HK2: variants seen among roughly 807,000 people sequenced by gnomAD.
HK2 encodes hexokinase 2.
A neutral mutation model predicts 92.9 loss-of-function variants in HK2; 42 were observed. The ratio of observed to expected loss-of-function variants is 0.45; its 90% CI spans 0.35 to 0.58. The LOEUF is 0.58. Ranked by LOEUF, HK2 falls within the 20% of genes least tolerant of loss-of-function variation. HK2 has a pLI of 0.00. For missense variants in HK2, 978 were observed against 1,245.1 expected, an observed-to-expected ratio of 0.79 and a Z score of 3.23; for synonymous variants, 422 against 468.0, an observed-to-expected ratio of 0.90 and a Z score of 1.27.
chr2:74,870,001 C>CTTTTTT (rs66946936), intron 3 of HK2, among the ~76,000 whole-genome samples: 5 of 121,518 alleles, frequency 4.1e-5, no homozygotes, highest in Admixed American at 1.6e-4. Flanking sequence ...CTTTTCTTTT[C>CTTTTTT]TTTTTTTTTT....
chr2:74,854,507 A>T (rs773297096), intron 2 of HK2, 52 bp downstream of exon 2: 64 of 1,606,160 alleles, frequency 4.0e-5, no homozygotes, highest in Non-Finnish European at 6.0e-6. Context: ...GGGGTGATTT[A>T]GTTGGCTTTG....
intron 2 of HK2, among the ~76,000 whole-genome samples, chr2:74,859,382 A>G (rs1453155805): frequency 2.0e-5 from 3 of 152,210 alleles, no homozygotes; most frequent in South Asian, 2.1e-4. Flanking sequence ...TAAGAGTATT[A>G]TCTGATAAAA....
At chr2:74,837,778 C>G (rs971295897) in intron 1 of HK2, among the ~76,000 whole-genome samples, 1 of 150,424 alleles carries the variant, frequency 6.6e-6, no homozygotes, top group Non-Finnish European at 1.5e-5. Flanking sequence ...CAGGTTCAAG[C>G]GATTCTCCTG....
chr2:74,873,041 G>A (rs1051785135), intron 4 of HK2, among the ~76,000 whole-genome samples: 21 of 152,198 alleles, frequency 1.4e-4, no homozygotes, highest in African/African-American at 4.8e-4. Flanking sequence ...TGTTACCACC[G>A]CAGTATACAC....
Position 74,890,848 on chromosome 2 carries a change from T to C in HK2, c.2661T>C (p.Asp887=). 1 of 1,614,196 alleles carries C rather than the reference T, an allele frequency of 6.2e-7. No individual in the cohort carries two copies. Among genetic ancestry groups the C allele is most frequent in the Non-Finnish European group, 8.5e-7 (1 of 1,180,026 alleles). The change falls in exon 18 of 18, where the codon GAT becomes GAC. Residue 887 remains aspartate, a synonymous_variant. Coordinates refer to ENST00000290573, the MANE Select transcript of HK2 (RefSeq NM_000189.5). ...TGAAGGACCTGGCTCCGAAATGTGATGTGTCTTTCCTGCAGTCAGAGGATG... is the reference window on the plus strand; with the variant it reads ...TGAAGGACCTGGCTCCGAAATGTGACGTGTCTTTCCTGCAGTCAGAGGATG... ...ETVKDLAPKC[D]VSFLQSEDGS... is the part of the protein sequence containing the mutation.
rs924640275 is a variant in HK2 at position 74,834,214 on chromosome 2, G to C, written c.-367G>C. The C allele has an allele frequency of 2.6e-6, 1 of 383,954 alleles. No individual in the cohort carries two copies. The highest frequency in any genetic ancestry group is 5.0e-6 in the Non-Finnish European group (1 of 199,992). 23.8% of individuals were successfully genotyped at this position (383,954 alleles called of 1,614,324 possible). ...CAGCTAAGAAAATCCGCGGGCCCGA[G>C]CCACGCGCCTGTGAATCGGAGAGGT... On this transcript the variant is annotated 5_prime_UTR_variant, in exon 1 of 18. Transcript: ENST00000290573. The surrounding 1 kb of genome is among the most constrained non-coding windows in gnomAD (Gnocchi z 4.2).
intron 1 of HK2, among the ~76,000 whole-genome samples, chr2:74,842,235 T>G (rs1034550097): frequency 2.0e-5 from 3 of 151,864 alleles, no homozygotes; most frequent in African/African-American, 7.3e-5. Flanking sequence ...TGGTTCAACT[T>G]GATTTTTTTT....
At chr2:74,872,569 T>TG (rs1689122059) in intron 4 of HK2, 150 bp downstream of exon 4, 38 of 552,826 alleles carry the variant, frequency 6.9e-5, no homozygotes, top group South Asian at 4.0e-4. Flanking sequence ...TGTATGTCGA[T>TG]GGGGGGGCTG....
intron 2 of HK2, among the ~76,000 whole-genome samples, chr2:74,862,082 G>A (rs536295373): frequency 3.3e-4 from 50 of 152,364 alleles, no homozygotes; most frequent in African/African-American, 1.1e-3. Flanking sequence ...GACATCGTTA[G>A]TGCCAGGTAC....
At chr2:74,867,131 C>T (rs3821307) in intron 2 of HK2, among the ~76,000 whole-genome samples, 25,104 of 151,998 alleles carry the variant, frequency 0.17, 2,623 homozygotes, top group Admixed American at 0.31. Flanking sequence ...GGATGCGAAA[C>T]TGTCTTATAT....
At chr2:74,847,840 T>C (rs681900) in intron 1 of HK2, among the ~76,000 whole-genome samples, 37,268 of 152,168 alleles carry the variant, frequency 0.24, 4,832 homozygotes, top group African/African-American at 0.31. Context: ...GCAGCCAGAC[T>C]TTCTCCTGAC....
chr2:74,876,497 TGCTGGTTTGGGGG>T (rs1689235559), intron 7 of HK2, among the ~76,000 whole-genome samples: 1 of 152,242 alleles, frequency 6.6e-6, no homozygotes, highest in Admixed American at 6.5e-5. Flanking sequence ...CGGACCGCAC[TGCTGGTTTGGGGG>T]CCGTCCCCTG....
Position 74,874,303 on chromosome 2 carries a change from C to A in HK2, c.729C>A (p.Arg243=). 6.2e-7 allele frequency: 1 copy of A among 1,614,156 alleles called. No homozygotes were observed. Among genetic ancestry groups the A allele is most frequent in the East Asian group, 2.2e-5 (1 of 44,876 alleles). The part of the protein sequence containing the change: ...GSNACYMEEM[R]HIDMVEGDEG... ...ACGCCTGCTACATGGAAGAGATGCG[C>A]CACATCGACATGGTGGAAGGCGATG... The change falls in exon 7 of 18, where the codon CGC becomes CGA. Residue 243 remains arginine (R), a synonymous_variant. Coordinates refer to ENST00000290573, the MANE Select transcript of HK2 (RefSeq NM_000189.5).
At position 74,850,191 on chromosome 2, in the gene HK2, C is replaced by T. The variant is rs139835605; in HGVS notation, c.64-4102C>T. Among the ~76,000 whole-genome samples, 580 of 152,314 alleles carry T rather than the reference C, an allele frequency of 3.8e-3. 4 individuals are homozygous for T. The highest frequency in any genetic ancestry group is 3.7e-3 in the Non-Finnish European group (252 of 68,036). ...AGAGGGGAAGGTGTTTGAGCCCCAG[C>T]CTTAGAGGTGTCATTTGGTTAGTCT... On this transcript the variant is annotated intron_variant, in intron 1 of 17. Transcript: ENST00000290573.
rs1689295470 is a variant in HK2 at position 74,878,562 on chromosome 2, G to T, written c.1032-126G>T. 41 of 785,352 alleles carry T rather than the reference G, an allele frequency of 5.2e-5. 1 individual carries two copies. In the South Asian group the frequency reaches 5.9e-4, roughly 11 times the overall value. 48.6% of individuals were successfully genotyped at this position (785,352 alleles called of 1,614,324 possible). A position where few individuals can be genotyped will look rare whatever the true frequency, so the allele number is the denominator to read the frequency against. ...CTGCACAGGTGGACTAAGCAATGAA[G>T]AGGGATTCTGTCCCCACTGGGTGGT... On this transcript the variant is annotated intron_variant, in intron 8 of 17. Transcript: ENST00000290573.
At chr2:74,846,804 GC>G (rs1234874650) in intron 1 of HK2, among the ~76,000 whole-genome samples, 1 of 152,164 alleles carries the variant, frequency 6.6e-6, no homozygotes, top group Non-Finnish European at 1.5e-5. Context: ...GAGCCACTGT[GC>G]CCATCCCACC....
chr2:74,883,908 A>G (rs1390320682), intron 12 of HK2, among the ~76,000 whole-genome samples: 1 of 152,246 alleles, frequency 6.6e-6, no homozygotes, highest in Non-Finnish European at 1.5e-5. Flanking sequence ...ATAAATTTTA[A>G]TCACATGAAA....
intron 1 of HK2, among the ~76,000 whole-genome samples, chr2:74,847,698 C>G (rs1386145576): frequency 2.0e-5 from 3 of 147,062 alleles, no homozygotes; most frequent in Non-Finnish European, 4.5e-5. Flanking sequence ...GAGCAAGACT[C>G]TGTCTCTAAA....
Position 74,867,787 on chromosome 2 carries a change from A to G in HK2, c.375+3A>G, listed in dbSNP as rs1329268488. ...TCATGCGAGGCAGTGGCACCCAGGT[A>G]TGACCCTTCTCTCAGGGCAGCCCCT... is the stretch of plus-strand genomic sequence containing the variant. On this transcript the variant is annotated splice_donor_region_variant and intron_variant, in intron 3 of 17. Transcript: ENST00000290573. The G allele has an allele frequency of 6.2e-7, 1 of 1,614,058 alleles. No individual in the cohort carries two copies. Among genetic ancestry groups the G allele is most frequent in the African/African-American group, 1.3e-5 (1 of 75,044 alleles).
Sources: allele counts gnomAD v4.1 joint callset (sites outside exome capture counted in the v4.1 genomes callset), GRCh38; gene constraint gnomAD v4.1.1; non-coding constraint Gnocchi (gnomAD v3.1); transcripts MANE v1.5; gene names NCBI Gene and HGNC (gene_info 2026-07-23, HGNC 2026-07-21).